C18orf63: variants seen among roughly 807,000 people sequenced by gnomAD.
The protein encoded by C18orf63 is chromosome 18 open reading frame 63, also known as uncharacterized protein C18orf63.
C18orf63 carries 50 observed loss-of-function variants against 75.3 expected under a neutral mutation model. That is an observed-to-expected ratio of 0.66 (90% CI 0.53 to 0.84). The LOEUF (loss-of-function observed/expected upper bound fraction) is 0.84, where lower values mean the gene tolerates loss of function less well. Among genes scored for constraint, C18orf63 ranks in the 40% least tolerant of loss-of-function variants. The pLI, the probability that C18orf63 is intolerant of heterozygous loss-of-function variation, is 0.00. For missense variants in C18orf63, 732 were observed against 800.2 expected (o/e 0.91, Z 1.03); for synonymous variants, 232 against 267.6 (o/e 0.87, Z 1.30).
chr18:74,321,828 T>TA (rs199946728), intron 3 of C18orf63, among the ~76,000 whole-genome samples: 8,539 of 143,746 alleles, frequency 0.059, 701 homozygotes, highest in African/African-American at 0.19. Flanking sequence ...AGGTATTCTG[T>TA]AAAAAAAAAA....
At chr18:74,316,485 G>A (rs538895132) in intron 1 of C18orf63, among the ~76,000 whole-genome samples, 85 of 152,308 alleles carry the variant, frequency 5.6e-4, no homozygotes, top group African/African-American at 2.0e-3. Flanking sequence ...AGGGTCCCTC[G>A]TAGCGGCGGT....
chr18:74,339,723 T>C (rs1984448554), intron 8 of C18orf63, among the ~76,000 whole-genome samples: 1 of 152,174 alleles, frequency 6.6e-6, no homozygotes, highest in African/African-American at 2.4e-5. Context: ...GCAGGTGACA[T>C]GATCTTATGT....
intron 11 of C18orf63, among the ~76,000 whole-genome samples, chr18:74,344,609 A>G (rs1984542313): frequency 6.6e-6 from 1 of 152,068 alleles, no homozygotes; most frequent in African/African-American, 2.4e-5. Flanking sequence ...TCAACTAAGT[A>G]TGTGTCCTTA....
At position 74,343,700 on chromosome 18, in the gene C18orf63, C is replaced by T; in HGVS notation, c.976C>T (p.Gln326Ter). Residue 326 changes from glutamine (Q) to a stop codon, truncating the protein, a stop_gained and splice_region_variant, in exon 11 of 14, where the codon CAG (glutamine) becomes TAG (stop). Coordinates refer to ENST00000579455, the MANE Select transcript of C18orf63 (RefSeq NM_001174123.2). LOFTEE classifies it high-confidence loss of function. Reference sequence around the variant, plus strand: ...ACAAGAACTAACTAAACCTAATATACAGGTAAGAGATCTCTTGTCCTATCT... The same window carrying T: ...ACAAGAACTAACTAAACCTAATATATAGGTAAGAGATCTCTTGTCCTATCT... ...YTQELTKPNI[Q>*]EHKVKPPNLT... The T allele has an allele frequency of 6.6e-7, 1 of 1,504,654 alleles. No individual in the cohort carries two copies. The highest frequency in any genetic ancestry group is 8.9e-7 in the Non-Finnish European group (1 of 1,129,166). 93.2% of individuals were successfully genotyped at this position (1,504,654 alleles called of 1,614,324 possible). A position where few individuals can be genotyped will look rare whatever the true frequency, so the allele number is the denominator to read the frequency against.
At chr18:74,332,565 T>C (rs1399665472) in intron 7 of C18orf63, among the ~76,000 whole-genome samples, 1 of 151,958 alleles carries the variant, frequency 6.6e-6, no homozygotes, top group African/African-American at 2.4e-5. Context: ...TAGCTGGGCA[T>C]GGTGGTGCAT....
chr18:74,337,412 A>G (rs1984410591), intron 7 of C18orf63, among the ~76,000 whole-genome samples: 1 of 152,082 alleles, frequency 6.6e-6, no homozygotes, highest in Non-Finnish European at 1.5e-5. Context: ...AATACTGTAG[A>G]AAGTACCCAG....
chr18:74,353,654 G>A lies in C18orf63; in HGVS notation c.1387G>A (p.Val463Met), dbSNP rs1333715751. 1 of 1,536,128 alleles carries A rather than the reference G, an allele frequency of 6.5e-7. No individual in the cohort carries two copies. The highest frequency in any genetic ancestry group is 8.7e-7 in the Non-Finnish European group (1 of 1,146,894). The change falls in exon 12 of 14, where the codon GTG (valine) becomes ATG (methionine). Residue 463 changes from valine (V) to methionine (M), a missense_variant. Val to Met is a conservative substitution (Grantham distance 21). Transcript: ENST00000579455. The stretch of plus-strand genomic sequence containing the variant: ...CAGCCCAAAAAGAAAACAGCATGAT[G>A]TGACACAATCTAAATTGTTTTCACT... ...LGSPKRKQHDVTQSKLFSLKT... is the reference protein window; with the variant it reads ...LGSPKRKQHDMTQSKLFSLKT...
At chr18:74,326,449 A>G (rs534521708) in intron 4 of C18orf63, among the ~76,000 whole-genome samples, 1 of 152,272 alleles carries the variant, frequency 6.6e-6, no homozygotes, top group South Asian at 2.1e-4. Context: ...GTGCTAATCC[A>G]TACTCAGCTG....
At chr18:74,340,906 G>A (rs2145125802) in intron 8 of C18orf63, among the ~76,000 whole-genome samples, 1 of 152,180 alleles carries the variant, frequency 6.6e-6, no homozygotes, top group South Asian at 2.1e-4. Context: ...CAAAATTTCA[G>A]TTATATAGGA....
At chr18:74,323,381 A>G (rs1050292237) in intron 4 of C18orf63, among the ~76,000 whole-genome samples, 3 of 152,228 alleles carry the variant, frequency 2.0e-5, no homozygotes, top group Non-Finnish European at 2.9e-5. Flanking sequence ...TTTAGGTCCT[A>G]GGGAAGTAAA....
Position 74,353,742 on chromosome 18 carries a change from GT to G in C18orf63, c.1476del (p.Ser492ArgfsTer12). 6.5e-7 allele frequency: 1 copy of G among 1,536,038 alleles called. No homozygotes were observed. The highest frequency in any genetic ancestry group is 8.7e-7 in the Non-Finnish European group (1 of 1,146,870). On this transcript the variant is annotated frameshift_variant, in exon 12 of 14. Transcript: ENST00000579455. LOFTEE classifies it high-confidence loss of function. ...NLGPAIKNRY[S>X]SNIQMQAANN... ...GGTCCAGCTATAAAAAACCGTTATA[GT>G]AGTAACATTCAGATGCAGGCTGCTA...
intron 13 of C18orf63, among the ~76,000 whole-genome samples, chr18:74,355,911 T>G (rs937303178): frequency 1.3e-5 from 2 of 151,724 alleles, no homozygotes; most frequent in African/African-American, 4.8e-5. Context: ...CCAGAAATAT[T>G]AGCTGGGCGT....
chr18:74,343,705 A>G lies in C18orf63; in HGVS notation c.978+3A>G. 1 of 1,495,148 alleles carries G rather than the reference A, an allele frequency of 6.7e-7. No homozygotes were observed. Among genetic ancestry groups the G allele is most frequent in the Non-Finnish European group, 8.9e-7 (1 of 1,123,860 alleles). 92.6% of individuals were successfully genotyped at this position (1,495,148 alleles called of 1,614,324 possible). A position where few individuals can be genotyped will look rare whatever the true frequency, so the allele number is the denominator to read the frequency against. ...AACTAACTAAACCTAATATACAGGTAAGAGATCTCTTGTCCTATCTAGTTC... is the reference window on the plus strand; with the variant it reads ...AACTAACTAAACCTAATATACAGGTGAGAGATCTCTTGTCCTATCTAGTTC... On this transcript the variant is annotated splice_donor_region_variant and intron_variant, in intron 11 of 13. Coordinates refer to ENST00000579455, the MANE Select transcript of C18orf63 (RefSeq NM_001174123.2).
intron 3 of C18orf63, 87 bp downstream of exon 3, chr18:74,320,678 A>T (rs1984105791): frequency 1.3e-6 from 1 of 781,678 alleles, no homozygotes; most frequent in Non-Finnish European, 2.0e-6. Flanking sequence ...GCTAAAGTTA[A>T]GATGTTTATG....
chr18:74,335,328 T>A (rs59845904), intron 7 of C18orf63, among the ~76,000 whole-genome samples: 6,425 of 152,216 alleles, frequency 0.042, 425 homozygotes, highest in African/African-American at 0.14. Flanking sequence ...TGACCCTATT[T>A]AGACAAATTT....
At chr18:74,332,967 A>G (rs1310690002) in intron 7 of C18orf63, among the ~76,000 whole-genome samples, 1 of 152,184 alleles carries the variant, frequency 6.6e-6, no homozygotes, top group East Asian at 1.9e-4. Context: ...AGATTGACAG[A>G]GGAGTAAGAC....
intron 3 of C18orf63, 66 bp downstream of exon 3, chr18:74,320,657 T>C (rs1176555892): frequency 1.1e-6 from 1 of 943,110 alleles, no homozygotes; most frequent in African/African-American, 1.7e-5. Context: ...AATAATAATT[T>C]AGGTATTATA....
chr18:74,357,356 G>A lies in C18orf63; in HGVS notation c.*909G>A, dbSNP rs1472808515. The A allele has an allele frequency of 1.3e-5, 2 of 152,100 alleles. No homozygotes were observed. The highest frequency in any genetic ancestry group is 6.6e-5 in the Admixed American group (1 of 15,250). The allele number at this position is 152,100 out of a possible 1,614,324, so 9.4% of individuals were successfully genotyped here. ...GACTTAGGGATATGTATGTATTGAAGCATATGTCCAGAATGACCTTCTAGT... is the reference window on the plus strand; with the variant it reads ...GACTTAGGGATATGTATGTATTGAAACATATGTCCAGAATGACCTTCTAGT... On this transcript the variant is annotated 3_prime_UTR_variant, in exon 14 of 14. Coordinates refer to ENST00000579455, the MANE Select transcript of C18orf63 (RefSeq NM_001174123.2).
rs1022689870 is a variant in C18orf63 at position 74,342,286 on chromosome 18, T to A, written c.754T>A (p.Cys252Ser). The A allele has an allele frequency of 1.8e-5, 28 of 1,533,492 alleles. No individual in the cohort carries two copies. The highest frequency in any genetic ancestry group is 1.4e-5 in the Non-Finnish European group (16 of 1,145,214). The allele number at this position is 1,533,492 out of a possible 1,614,324, so 95.0% of individuals were successfully genotyped here. Residue 252 changes from cysteine to serine, a missense_variant, in exon 10 of 14, where the codon TGC becomes AGC. Cys to Ser is a moderately radical substitution (Grantham distance 112). Transcript: ENST00000579455. Reference protein sequence around the residue: ...PGDCGKIKIYCNIYFKMLGER... With the variant: ...PGDCGKIKIYSNIYFKMLGER... ...TGATTGTGGAAAAATTAAAATATAC[T>A]GCAACATCTATTTCAAAATGCTCGG...
Sources: allele counts gnomAD v4.1 joint callset (sites outside exome capture counted in the v4.1 genomes callset), GRCh38; gene constraint gnomAD v4.1.1; transcripts MANE v1.5; gene names NCBI Gene and HGNC (gene_info 2026-07-23, HGNC 2026-07-21).